RBM4: variants seen among roughly 807,000 people sequenced by gnomAD.
The protein encoded by RBM4 is RNA binding motif protein 4.
Under a neutral mutation model 29.5 loss-of-function variants are expected in RBM4, and 7 were observed. The observed-to-expected ratio is 0.24, with a 90% CI of 0.14 to 0.45. The LOEUF is 0.45. Ranked by LOEUF, RBM4 falls within the 20% of genes least tolerant of loss-of-function variation. The pLI, the probability that RBM4 is intolerant of heterozygous loss-of-function variation, is 1.00. For missense variants in RBM4, 387 were observed against 502.3 expected (o/e 0.77, Z 2.19); for synonymous variants, 220 against 205.4 (o/e 1.07, Z -0.61).
chr11:66,663,804 C>T lies in RBM4; in HGVS notation c.413-2052C>T, dbSNP rs767518435. On this transcript the variant is annotated intron_variant, in intron 2 of 2. Transcript: ENST00000396053. Reference sequence around the variant, plus strand: ...TCAAATTTAGTTAATGTGATAGGTCCTTGGAGAGAATCTGGCTCAGCCTTT... The same window carrying T: ...TCAAATTTAGTTAATGTGATAGGTCTTTGGAGAGAATCTGGCTCAGCCTTT... 5.9e-5 allele frequency among the ~76,000 whole-genome samples: 9 copies of T among 151,636 alleles called. 1 individual carries two copies. Among genetic ancestry groups the T allele is most frequent in the Non-Finnish European group, 1.0e-4 (7 of 67,928 alleles).
intron 2 of RBM4, among the ~76,000 whole-genome samples, chr11:66,651,814 C>G (rs965998850): frequency 6.6e-6 from 1 of 152,106 alleles, no homozygotes; most frequent in Non-Finnish European, 1.5e-5. Context: ...GTTTGCAAGG[C>G]AGGAAGGGTG....
At chr11:66,665,849 C>A in intron 2 of RBM4, 1 of 1,526,978 alleles carries the variant, frequency 6.5e-7, no homozygotes, top group South Asian at 1.2e-5. Flanking sequence ...TCTTATCCAT[C>A]TTTTAGGCAA....
At chr11:66,641,221 T>A (rs1408242759) in intron 2 of RBM4, 1 of 152,228 alleles carries the variant, frequency 6.6e-6, no homozygotes, top group Non-Finnish European at 1.5e-5. Context: ...CCTTGCTATA[T>A]TTCAAACCTG....
rs540635456 is a variant in RBM4 at position 66,665,486 on chromosome 11, T to C, written c.413-370T>C. On this transcript the variant is annotated intron_variant, in intron 2 of 2. Coordinates refer to the RBM4 transcript ENST00000396053. ...CAAACTCCTTTTGTTTACTGAAACA[T>C]GAAGCAATGGAAACATCCCGGCAAA... The C allele has an allele frequency of 2.0e-4, 185 of 930,450 alleles. 1 individual carries two copies. The South Asian group carries it at 2.4e-3, about 12-fold the overall frequency. 57.6% of individuals were successfully genotyped at this position (930,450 alleles called of 1,614,324 possible). A position where few individuals can be genotyped will look rare whatever the true frequency, so the allele number is the denominator to read the frequency against.
intron 2 of RBM4, among the ~76,000 whole-genome samples, chr11:66,661,531 A>G (rs899681139): frequency 6.6e-6 from 1 of 151,998 alleles, no homozygotes; most frequent in African/African-American, 2.4e-5. Context: ...CTGAGGCTAC[A>G]GAAACCACAT....
chr11:66,658,337 CTTTTTTTTTTTT>C (rs35133059), intron 2 of RBM4, among the ~76,000 whole-genome samples: 4 of 50,458 alleles, frequency 7.9e-5, no homozygotes, highest in South Asian at 1.5e-3. Flanking sequence ...CTAGTCTGAC[CTTTTTTTTTTTT>C]TTTTTTTTTT....
Position 66,639,715 on chromosome 11 carries a change from G to C in RBM4, c.4G>C (p.Val2Leu). M[V>L]KLFIGNLPRE... ...TCTCTCCCAGGCTCTTGTCAGGATG[G>C]TGAAGCTGTTCATCGGAAACCTGCC... The change falls in exon 2 of 4, where the codon GTG becomes CTG. Residue 2 changes from valine (V) to leucine (L), a missense_variant. Val to Leu is a conservative substitution (Grantham distance 32). Around this residue, in one of 2 missense-constraint regions of RBM4, gnomAD observed 106 missense variants for 213.6 expected, o/e 0.50. Transcript: ENST00000310092. 6.2e-7 allele frequency: 1 copy of C among 1,613,560 alleles called. No individual in the cohort carries two copies.
At chr11:66,657,108 C>CTTT (rs748071140) in intron 2 of RBM4, among the ~76,000 whole-genome samples, 80 of 93,384 alleles carry the variant, frequency 8.6e-4, no homozygotes, top group African/African-American at 1.2e-3. Context: ...ATTTTTTAGT[C>CTTT]TTTTTTTTTT....
At chr11:66,657,656 C>T (rs767225656) in intron 2 of RBM4, among the ~76,000 whole-genome samples, 21 of 137,762 alleles carry the variant, frequency 1.5e-4, no homozygotes, top group Non-Finnish European at 2.7e-4. Context: ...GCACTCTAGC[C>T]TGGGCGACAG....
At chr11:66,650,086 T>C (rs116732250), downstream of RBM4, among the ~76,000 whole-genome samples, 1,827 of 152,318 alleles carry the variant, frequency 0.012, 38 homozygotes, top group African/African-American at 0.042. Flanking sequence ...AAGCTGCTGC[T>C]TGTCTGGGCC....
chr11:66,656,946 G>A (rs1046866993), intron 2 of RBM4, among the ~76,000 whole-genome samples: 3 of 152,010 alleles, frequency 2.0e-5, no homozygotes, highest in Non-Finnish European at 2.9e-5. Context: ...AGGCACAGTC[G>A]TGAGCCACCA....
At chr11:66,657,598 A>T (rs1938973214) in intron 2 of RBM4, among the ~76,000 whole-genome samples, 1 of 146,658 alleles carries the variant, frequency 6.8e-6, no homozygotes, top group African/African-American at 2.6e-5. Context: ...CAGAAGAATC[A>T]CTTGAACCCG....
chr11:66,660,381 C>G (rs1263168582), intron 2 of RBM4, among the ~76,000 whole-genome samples: 1 of 128,046 alleles, frequency 7.8e-6, no homozygotes, highest in Admixed American at 9.3e-5. Flanking sequence ...GAGACAGAGT[C>G]TTGCTCTGCA....
Position 66,646,255 on chromosome 11 carries a change from T to C in RBM4, c.*237T>C. ...CAATACTTCTGTAGCTTCCCATTCA[T>C]GTTCTCTTCTCCCAGCAGGCCTCAT... On this transcript the variant is annotated 3_prime_UTR_variant, in exon 4 of 4. Coordinates refer to ENST00000310092, the MANE Select transcript of RBM4 (RefSeq NM_002896.4). The C allele has an allele frequency of 2.8e-6, 4 of 1,411,350 alleles. No individual in the cohort carries two copies. The highest frequency in any genetic ancestry group is 3.7e-6 in the Non-Finnish European group (4 of 1,082,398). 87.4% of individuals were successfully genotyped at this position (1,411,350 alleles called of 1,614,324 possible). A position where few individuals can be genotyped will look rare whatever the true frequency, so the allele number is the denominator to read the frequency against.
exon 3 of RBM4, chr11:66,668,287 TAC>T (rs1032069182): frequency 3.0e-5 from 7 of 232,748 alleles, no homozygotes; most frequent in African/African-American, 1.6e-4. Context: ...GTAGATGATA[TAC>T]AGAGGGCACA....
chr11:66,656,820 C>G (rs1938959693), intron 2 of RBM4, among the ~76,000 whole-genome samples: 1 of 151,946 alleles, frequency 6.6e-6, no homozygotes, highest in Non-Finnish European at 1.5e-5. Flanking sequence ...GCCACCATGT[C>G]CAGCTAATTT....
rs66797662 is a variant in RBM4 at position 66,663,702 on chromosome 11, ATGTGTGTGTG to A, written c.413-2136_413-2127del. 1.3e-3 allele frequency among the ~76,000 whole-genome samples: 200 copies of A among 148,508 alleles called. 1 individual carries two copies. The highest frequency in any genetic ancestry group is 3.9e-3 in the African/African-American group (157 of 40,376). On this transcript the variant is annotated intron_variant, in intron 2 of 2. Transcript: ENST00000396053. ...TAACTAGGCAAAAATGTGTGTGTATATGTGTGTGTGTGTGTGTGTGTGTGTGTATATATGT... is the reference window on the plus strand; with the variant it reads ...TAACTAGGCAAAAATGTGTGTGTATATGTGTGTGTGTGTGTGTATATATGT...
chr11:66,657,674 T>C (rs1938975531), intron 2 of RBM4, among the ~76,000 whole-genome samples: 1 of 130,678 alleles, frequency 7.7e-6, no homozygotes, highest in African/African-American at 3.2e-5. Flanking sequence ...CAGAGCAAGA[T>C]TCCATCTCAA....
chr11:66,667,632 C>T (rs1446461859), exon 3 of RBM4: 1 of 151,882 alleles, frequency 6.6e-6, no homozygotes, highest in Non-Finnish European at 1.5e-5. Context: ...TATAGGACTT[C>T]CTCTGGCATG....
Sources: gnomAD v4.1 joint callset for allele counts (sites outside exome capture counted in the v4.1 genomes callset) on GRCh38, gnomAD v4.1.1 for gene constraint, gnomAD v4.1.1 regional missense constraint, MANE v1.5 for transcripts, NCBI Gene and HGNC (gene_info 2026-07-23, HGNC 2026-07-21) for gene names.